The following POTEJ variants were observed in gnomAD, a reference collection of about 807,000 sequenced individuals.
POTEJ encodes POTE ankyrin domain family member J.
A neutral mutation model predicts 69.0 loss-of-function variants in POTEJ; 11 were observed. The ratio of observed to expected loss-of-function variants is 0.16; its 90% CI spans 0.10 to 0.26. The LOEUF is 0.26. Ranked by LOEUF, POTEJ falls within the 10% of genes least tolerant of loss-of-function variation. The probability of loss-of-function intolerance (pLI) is 1.00; values close to 1 mark genes in which losing one functional copy is unlikely to be tolerated. For missense variants in POTEJ, 327 were observed against 1,045.5 expected, an observed-to-expected ratio of 0.31 and a Z score of 9.48; for synonymous variants, 117 against 381.1, an observed-to-expected ratio of 0.31 and a Z score of 8.07.
chr2:130,637,492 G>A (rs1483296081), intron 9 of POTEJ, among the ~76,000 whole-genome samples: 23 of 151,310 alleles, frequency 1.5e-4, no homozygotes, highest in East Asian at 7.7e-4. Context: ...TATATTTTGC[G>A]CAGTCACTGG....
rs569190121 is a variant in POTEJ, at chr2:130,613,291, T to C, written c.410+1349T>C. Among the ~76,000 whole-genome samples, 134 of 99,760 alleles carry C rather than the reference T, an allele frequency of 1.3e-3. 4 individuals are homozygous for C. The highest frequency in any genetic ancestry group is 4.6e-3 in the African/African-American group (116 of 25,072). 65.4% of individuals were successfully genotyped at this position (99,760 alleles called of 152,430 possible). On this transcript the variant is annotated intron_variant, in intron 1 of 14. Transcript: ENST00000409602. ...ATATATATACATATGTATATATACA[T>C]ATATATACATATGTATATATACATA...
At chr2:130,652,914 C>A (rs1282519325) in intron 13 of POTEJ, among the ~76,000 whole-genome samples, 1 of 139,166 alleles carries the variant, frequency 7.2e-6, no homozygotes, top group African/African-American at 2.7e-5. Flanking sequence ...GAATTATTTG[C>A]GTTTTTCCTG....
At chr2:130,628,720 G>T (rs2105218566) in intron 6 of POTEJ, among the ~76,000 whole-genome samples, 2 of 145,954 alleles carry the variant, frequency 1.4e-5, no homozygotes, top group African/African-American at 5.3e-5. Context: ...TCATAGCATT[G>T]TTTTAAAAGA....
At chr2:130,612,732 C>T (rs1685258281) in intron 1 of POTEJ, among the ~76,000 whole-genome samples, 1 of 124,342 alleles carries the variant, frequency 8.0e-6, no homozygotes, top group Admixed American at 8.9e-5. Flanking sequence ...CACCGCACTC[C>T]AGCCTGGGAG....
At chr2:130,631,722 A>G (rs1685908200) in intron 8 of POTEJ, among the ~76,000 whole-genome samples, 1 of 141,880 alleles carries the variant, frequency 7.0e-6, no homozygotes, top group South Asian at 2.1e-4. Context: ...TGGACCAATC[A>G]TTTTATCTTT....
At chr2:130,623,946 T>C (rs1685613105) in intron 5 of POTEJ, 118 bp from the exon 6 acceptor site, 1 of 814,268 alleles carries the variant, frequency 1.2e-6, no homozygotes, top group Non-Finnish European at 1.9e-6. Context: ...GATGGGATAA[T>C]ACTATTAAGT....
At chr2:130,622,355 A>T (rs1381093195) in intron 5 of POTEJ, among the ~76,000 whole-genome samples, 1 of 44,942 alleles carries the variant, frequency 2.2e-5, no homozygotes, top group Non-Finnish European at 4.4e-5. Context: ...TTCAGAACCT[A>T]ATGTGGAACC....
intron 3 of POTEJ, among the ~76,000 whole-genome samples, chr2:130,618,774 C>CTTTTTTTTTTTT (rs1204750696): frequency 9.3e-5 from 3 of 32,208 alleles, no homozygotes; most frequent in South Asian, 1.0e-3. Context: ...ATTAATCTGA[C>CTTTTTTTTTTTT]TTTTTTTTTT....
intron 7 of POTEJ, among the ~76,000 whole-genome samples, chr2:130,631,125 T>C (rs1309986753): frequency 6.8e-6 from 1 of 147,046 alleles, no homozygotes; most frequent in African/African-American, 2.7e-5. Context: ...AAGTTAAGTT[T>C]GCTGGTTCAC....
chr2:130,655,413 T>C (rs1335049374), intron 14 of POTEJ, among the ~76,000 whole-genome samples: 11 of 152,234 alleles, frequency 7.2e-5, no homozygotes, highest in Admixed American at 3.9e-4. Context: ...TTTTCACTGA[T>C]AAGAAAGTAG....
chr2:130,656,568 A>G lies in POTEJ; in HGVS notation c.1808A>G (p.Lys603Arg), dbSNP rs1402265684. ...ACTTAGCTTTCTCTTAGTTGTAAGA[A>G]AGAAAGAGACTTCTTGCATGAAAAT... ...MNSELSLSCK[K>R]ERDFLHENSM... The change falls in exon 15 of 15, where the codon AAA (lysine) becomes AGA (arginine). Residue 603 changes from lysine to arginine, a missense_variant. By Grantham distance (26) the Lys-to-Arg change is conservative. Transcript: ENST00000409602. 1 of 1,609,514 alleles carries G rather than the reference A, an allele frequency of 6.2e-7. No individual in the cohort carries two copies. Among genetic ancestry groups the G allele is most frequent in the Non-Finnish European group, 8.5e-7 (1 of 1,179,836 alleles).
chr2:130,636,828 C>G (rs1272384299), intron 9 of POTEJ, among the ~76,000 whole-genome samples: 7 of 147,736 alleles, frequency 4.7e-5, no homozygotes, highest in African/African-American at 1.7e-4. Context: ...CATGGTGGCT[C>G]ACACCTGTAA....
At chr2:130,627,617 A>G (rs1278673077) in intron 6 of POTEJ, among the ~76,000 whole-genome samples, 11 of 126,116 alleles carry the variant, frequency 8.7e-5, no homozygotes, top group Non-Finnish European at 1.7e-4. Flanking sequence ...CTGCAACCAA[A>G]CAGAATCCCT....
At chr2:130,639,400 T>C (rs1396968620) in intron 10 of POTEJ, among the ~76,000 whole-genome samples, 2 of 152,308 alleles carry the variant, frequency 1.3e-5, no homozygotes, top group Admixed American at 6.5e-5. Context: ...TTGAAAGAGA[T>C]GCATTTACTT....
intron 10 of POTEJ, among the ~76,000 whole-genome samples, chr2:130,641,921 G>A (rs1686393927): frequency 6.6e-6 from 1 of 152,206 alleles, no homozygotes; most frequent in South Asian, 2.1e-4. Context: ...AATTGGGACA[G>A]ATGAACTTAA....
intron 10 of POTEJ, among the ~76,000 whole-genome samples, chr2:130,639,123 G>A (rs1477684712): frequency 1.3e-5 from 2 of 152,310 alleles, no homozygotes; most frequent in African/African-American, 4.8e-5. Context: ...TGAGCCATAA[G>A]GAGTGGCTGT....
intron 1 of POTEJ, among the ~76,000 whole-genome samples, chr2:130,613,159 A>T (rs1685274746): frequency 6.8e-6 from 1 of 146,330 alleles, no homozygotes; most frequent in South Asian, 2.1e-4. Context: ...AGTATAGATT[A>T]AAAATTTTAA....
chr2:130,625,085 T>C (rs1685654417), intron 6 of POTEJ, among the ~76,000 whole-genome samples: 2 of 152,186 alleles, frequency 1.3e-5, no homozygotes, highest in Admixed American at 6.5e-5. Flanking sequence ...TAGTCCAAAC[T>C]GTATGAGGAC....
At chr2:130,636,053 A>G (rs879748280) in intron 9 of POTEJ, among the ~76,000 whole-genome samples, 1,151 of 143,584 alleles carry the variant, frequency 8.0e-3, no homozygotes, top group Non-Finnish European at 8.5e-3. Flanking sequence ...TGCTTCAGCC[A>G]CACTGAATTC....
Sources: gnomAD v4.1 joint callset for allele counts (sites outside exome capture counted in the v4.1 genomes callset) on GRCh38, gnomAD v4.1.1 for gene constraint, MANE v1.5 for transcripts, NCBI Gene and HGNC (gene_info 2026-07-23, HGNC 2026-07-21) for gene names.